The following SLC1A2 variants were observed in gnomAD, a reference collection of about 807,000 sequenced individuals.
The protein encoded by SLC1A2 is excitatory amino acid transporter 2.
A neutral mutation model predicts 48.8 loss-of-function variants in SLC1A2; 15 were observed. The ratio of observed to expected loss-of-function variants is 0.31; its 90% CI spans 0.21 to 0.47. The LOEUF is 0.47. Among genes scored for constraint, SLC1A2 ranks in the 20% least tolerant of loss-of-function variants. The pLI is 0.99. For missense variants in SLC1A2, 502 were observed against 730.5 expected, an observed-to-expected ratio of 0.69 and a Z score of 3.61; for synonymous variants, 279 against 272.6, an observed-to-expected ratio of 1.02 and a Z score of -0.23.
At chr11:35,363,971 C>G (rs1241426073) in intron 1 of SLC1A2, among the ~76,000 whole-genome samples, 2 of 152,178 alleles carry the variant, frequency 1.3e-5, no homozygotes, top group Non-Finnish European at 2.9e-5. Flanking sequence ...TAGCAGGTGG[C>G]AGGGGCACCG....
At chr11:35,336,217 G>T (rs539691822) in intron 1 of SLC1A2, among the ~76,000 whole-genome samples, 1 of 152,300 alleles carries the variant, frequency 6.6e-6, no homozygotes, top group African/African-American at 2.4e-5. Context: ...AATGCATGCT[G>T]GGCTTAATAC....
chr11:35,393,766 T>C (rs1376024429), intron 1 of SLC1A2, among the ~76,000 whole-genome samples: 1 of 152,130 alleles, frequency 6.6e-6, no homozygotes, highest in African/African-American at 2.4e-5. Flanking sequence ...ATCCCCAAAA[T>C]AGCCAAATAA....
intron 1 of SLC1A2, chr11:35,399,691 C>A (rs1590276177): frequency 1.3e-6 from 1 of 744,088 alleles, no homozygotes; most frequent in Non-Finnish European, 1.6e-6. Context: ...TCTGCAGGGC[C>A]AAAAAGAAGA....
At chr11:35,382,524 G>A (rs1459255327) in intron 1 of SLC1A2, among the ~76,000 whole-genome samples, 12 of 152,204 alleles carry the variant, frequency 7.9e-5, no homozygotes, top group African/African-American at 1.9e-4. Context: ...GGCTGGGTGC[G>A]GTGGCTCACG....
intron 9 of SLC1A2, among the ~76,000 whole-genome samples, chr11:35,267,525 G>A (rs1217515120): frequency 6.6e-6 from 1 of 151,960 alleles, no homozygotes; most frequent in Admixed American, 6.6e-5. Flanking sequence ...GCAACTTCTA[G>A]GTAGATCATC....
chr11:35,298,242 T>C (rs1565223181), intron 6 of SLC1A2: 1 of 152,246 alleles, frequency 6.6e-6, no homozygotes, highest in Admixed American at 6.5e-5. Context: ...TAATAATAAT[T>C]GTTTCCTCAG....
chr11:35,278,772 A>G (rs977654425), intron 9 of SLC1A2, among the ~76,000 whole-genome samples: 1 of 152,076 alleles, frequency 6.6e-6, no homozygotes, highest in African/African-American at 2.4e-5. Flanking sequence ...TAATCTCAGC[A>G]CTGTGGGAGG....
At chr11:35,363,215 G>A (rs1853738049) in intron 1 of SLC1A2, among the ~76,000 whole-genome samples, 1 of 152,168 alleles carries the variant, frequency 6.6e-6, no homozygotes, top group Non-Finnish European at 1.5e-5. Context: ...GCCAGGAGTG[G>A]CTGCAGGTGA....
At position 35,413,695 on chromosome 11, in the gene SLC1A2, C is replaced by T. The variant is rs78348173; in HGVS notation, c.17+5255G>A. 352 of 152,304 alleles carry T rather than the reference C, an allele frequency of 2.3e-3. 1 individual carries two copies. In the East Asian group the frequency reaches 0.041, roughly 18 times the overall value. 9.4% of individuals were successfully genotyped at this position (152,304 alleles called of 1,614,324 possible). A position where few individuals can be genotyped will look rare whatever the true frequency, so the allele number is the denominator to read the frequency against. ...TCCACAGGCACCCAGTACCTCATGT[C>T]CAGTGCTGGGAAAAAGGCAAAGCGG... is the stretch of plus-strand genomic sequence containing the variant. On this transcript the variant is annotated intron_variant, in intron 1 of 10. Coordinates refer to ENST00000278379, the MANE Select transcript of SLC1A2 (RefSeq NM_004171.4).
intron 2 of SLC1A2, 42 bp from the exon 3 acceptor site, chr11:35,315,217 TCG>T: frequency 6.5e-7 from 1 of 1,536,330 alleles, no homozygotes; most frequent in South Asian, 1.1e-5. Context: ...TTTTTTGCCT[TCG>T]TCAAATGACT....
intron 1 of SLC1A2, chr11:35,380,538 C>G (rs55751484): frequency 2.5e-6 from 1 of 397,324 alleles, no homozygotes; most frequent in Non-Finnish European, 4.4e-6. Flanking sequence ...AGGTCTACAG[C>G]GAGCTGCAAA....
At chr11:35,341,533 AT>A (rs1208536733) in intron 1 of SLC1A2, among the ~76,000 whole-genome samples, 1 of 152,258 alleles carries the variant, frequency 6.6e-6, no homozygotes, top group Non-Finnish European at 1.5e-5. Flanking sequence ...CACAAGCAGC[AT>A]GCAAAAAACA....
chr11:35,332,994 C>T (rs1006496990), intron 1 of SLC1A2, among the ~76,000 whole-genome samples: 3 of 152,202 alleles, frequency 2.0e-5, no homozygotes, highest in African/African-American at 7.2e-5. Flanking sequence ...GATCTTCAAA[C>T]AACTGCCAAC....
chr11:35,274,311 G>T (rs1051509047), intron 9 of SLC1A2, among the ~76,000 whole-genome samples: 1 of 152,134 alleles, frequency 6.6e-6, no homozygotes, highest in Non-Finnish European at 1.5e-5. Context: ...GCCTTGATCT[G>T]CAATTATGCT....
At chr11:35,361,390 T>A (rs934091142) in intron 1 of SLC1A2, among the ~76,000 whole-genome samples, 19 of 152,232 alleles carry the variant, frequency 1.2e-4, no homozygotes, top group African/African-American at 3.1e-4. Context: ...TATATAGATG[T>A]ATGGATTTAT....
At chr11:35,333,341 T>C (rs1340195206) in intron 1 of SLC1A2, among the ~76,000 whole-genome samples, 1 of 150,396 alleles carries the variant, frequency 6.6e-6, no homozygotes, top group Non-Finnish European at 1.5e-5. Context: ...CACTTGAACC[T>C]GGGAGGCGGA....
chr11:35,254,902 T>C lies in SLC1A2; in HGVS notation c.*5992A>G, dbSNP rs1037811715. On this transcript the variant is annotated 3_prime_UTR_variant, in exon 11 of 11. Coordinates refer to ENST00000278379, the MANE Select transcript of SLC1A2 (RefSeq NM_004171.4). ...AGCAAGGCTGGACATAGAAAAAAAC[T>C]GATCAGTAGTTATTCAGGATATTAT... The C allele has an allele frequency of 4.7e-6, 2 of 421,418 alleles. No homozygotes were observed. Among genetic ancestry groups the C allele is most frequent in the Non-Finnish European group, 9.3e-6 (2 of 214,108 alleles). The allele number at this position is 421,418 out of a possible 1,614,324, so 26.1% of individuals were successfully genotyped here.
intron 1 of SLC1A2, chr11:35,352,327 G>T (rs7111949): frequency 0.11 from 17,094 of 152,236 alleles, 1,209 homozygotes; most frequent in African/African-American, 0.17. Flanking sequence ...GTCAGTGTTG[G>T]GAGTGAATTA....
At chr11:35,308,630 T>C (rs1201931703) in intron 4 of SLC1A2, among the ~76,000 whole-genome samples, 1 of 152,192 alleles carries the variant, frequency 6.6e-6, no homozygotes, top group Non-Finnish European at 1.5e-5. Context: ...CATTCTTTTA[T>C]AGCAGCATTA....
Sources: gnomAD v4.1 joint callset for allele counts (sites outside exome capture counted in the v4.1 genomes callset) on GRCh38, gnomAD v4.1.1 for gene constraint, MANE v1.5 for transcripts, NCBI Gene and HGNC (gene_info 2026-07-23, HGNC 2026-07-21) for gene names.